INO80C: variants seen among roughly 807,000 people sequenced by gnomAD.
INO80C encodes INO80 complex subunit C, also known as IES6 homolog.
INO80C carries 17 observed loss-of-function variants against 17.7 expected under a neutral mutation model. The observed-to-expected ratio is 0.96, with a 90% CI of 0.66 to 1.44. INO80C has a LOEUF of 1.44. INO80C is among the 40% of genes most tolerant of loss of function. INO80C has a pLI of 0.00. For synonymous variants in INO80C, 96 were observed against 95.8 expected (o/e 1.00, Z -0.01); for missense variants, 244 against 245.0 (o/e 1.00, Z 0.03).
chr18:35,476,338 T>C (rs1019488509), intron 4 of INO80C, among the ~76,000 whole-genome samples: 1 of 152,198 alleles, frequency 6.6e-6, no homozygotes, highest in Non-Finnish European at 1.5e-5. Flanking sequence ...AAATTTGATA[T>C]AGTTTTAGGT....
intron 1 of INO80C, among the ~76,000 whole-genome samples, chr18:35,492,513 T>C (rs983010048): frequency 6.6e-6 from 1 of 150,522 alleles, no homozygotes; most frequent in South Asian, 2.1e-4. Context: ...GGGAAGGAGA[T>C]TGGGTGACTT....
Position 35,497,891 on chromosome 18 carries a change from C to A in INO80C, c.-17G>T. 1 of 1,526,330 alleles carries A rather than the reference C, an allele frequency of 6.6e-7. No homozygotes were observed. 94.5% of individuals were successfully genotyped at this position (1,526,330 alleles called of 1,614,324 possible). On this transcript the variant is annotated 5_prime_UTR_variant, in exon 1 of 5. Transcript: ENST00000334598. The stretch of plus-strand genomic sequence containing the variant: ...CGCCGCCATCGCACTCCGAGTCTTC[C>A]CCTGGTCCCCCCACCTTTTTCCCAG...
chr18:35,468,874 G>C, intron 4 of INO80C, 132 bp from the exon 5 acceptor site: 1 of 788,916 alleles, frequency 1.3e-6, no homozygotes. Context: ...CTGCCACCAA[G>C]AACACTAAAT....
Sources: allele counts gnomAD v4.1 joint callset (sites outside exome capture counted in the v4.1 genomes callset), GRCh38; gene constraint gnomAD v4.1.1; transcripts MANE v1.5; gene names NCBI Gene and HGNC (gene_info 2026-07-23, HGNC 2026-07-21).